Variants in C1QTNF1 observed in about 807,000 individuals in gnomAD.
C1QTNF1 encodes complement C1q tumor necrosis factor-related protein 1.
In C1QTNF1, 22 loss-of-function variants were observed where a neutral mutation model predicts 27.8. That is an observed-to-expected ratio of 0.79 (90% CI 0.56 to 1.13). The LOEUF (loss-of-function observed/expected upper bound fraction) is 1.13, where lower values mean the gene tolerates loss of function less well. Among genes scored for constraint, C1QTNF1 ranks in the 50% most tolerant of loss-of-function variants. C1QTNF1 has a pLI of 0.00. For synonymous variants in C1QTNF1, 166 were observed against 154.3 expected (o/e 1.08, Z -0.56); for missense variants, 373 against 380.2 (o/e 0.98, Z 0.16).
chr17:79,042,611 A>G (rs546037581), intron 1 of C1QTNF1, among the ~76,000 whole-genome samples: 147 of 152,328 alleles, frequency 9.7e-4, no homozygotes, highest in African/African-American at 3.4e-3. Context: ...GGACCTGGTC[A>G]TTGAGCCAGC....
chr17:79,033,227 G>A (rs1210062444), intron 1 of C1QTNF1, among the ~76,000 whole-genome samples: 2 of 152,128 alleles, frequency 1.3e-5, no homozygotes, highest in African/African-American at 2.4e-5. Flanking sequence ...TGCTAGTCAC[G>A]TGAGCACTTA....
At chr17:79,034,965 G>A (rs2145903128) in intron 1 of C1QTNF1, among the ~76,000 whole-genome samples, 1 of 152,240 alleles carries the variant, frequency 6.6e-6, no homozygotes. Flanking sequence ...GACCAGTGGG[G>A]GCAGTGCAGT....
chr17:79,048,202 C>A lies in C1QTNF1; in HGVS notation c.*114C>A. ...TCCCTGGCTTTGGCATTCAGTGAGA[C>A]GCCCTGCACACACAGAAAGCCAAAG... On this transcript the variant is annotated 3_prime_UTR_variant, in exon 4 of 4. Coordinates refer to ENST00000579760, the MANE Select transcript of C1QTNF1 (RefSeq NM_030968.5). 9.6e-7 allele frequency: 1 copy of A among 1,037,306 alleles called. No homozygotes were observed. The highest frequency in any genetic ancestry group is 1.4e-6 in the Non-Finnish European group (1 of 740,310). 64.3% of individuals were successfully genotyped at this position (1,037,306 alleles called of 1,614,324 possible).
chr17:79,033,924 G>GTCGTGGGTGA (rs2072199697), intron 1 of C1QTNF1, among the ~76,000 whole-genome samples: 1 of 152,184 alleles, frequency 6.6e-6, no homozygotes, highest in Admixed American at 6.5e-5. Flanking sequence ...TGCCACGAGG[G>GTCGTGGGTGA]TCGTGGGTGA....
In C1QTNF1 at chr17:79,049,542, C is replaced by T. The variant is rs2145942525; in HGVS notation, c.*1454C>T. 6.6e-6 allele frequency: 1 copy of T among 152,522 alleles called. No individual in the cohort carries two copies. Among genetic ancestry groups the T allele is most frequent in the East Asian group, 1.9e-4 (1 of 5,178 alleles). 9.4% of individuals were successfully genotyped at this position (152,522 alleles called of 1,614,324 possible). A position where few individuals can be genotyped will look rare whatever the true frequency, so the allele number is the denominator to read the frequency against. ...GGTCACTCTTGCTACCCGCTGGGCC[C>T]CCAAACCCCCGCTGCCTCTCTTCCT... On this transcript the variant is annotated 3_prime_UTR_variant, in exon 4 of 4. Coordinates refer to ENST00000579760, the MANE Select transcript of C1QTNF1 (RefSeq NM_030968.5). The surrounding 1 kb of genome is among the most constrained non-coding windows in gnomAD (Gnocchi z 4.4).
chr17:79,025,319 A>G (rs1032413104), intron 1 of C1QTNF1, among the ~76,000 whole-genome samples: 1 of 152,130 alleles, frequency 6.6e-6, no homozygotes, highest in Non-Finnish European at 1.5e-5. Flanking sequence ...CCAGAAAGCC[A>G]GATTATCTTC....
At chr17:79,036,084 C>CTAGA (rs2072258242) in intron 1 of C1QTNF1, among the ~76,000 whole-genome samples, 1 of 152,236 alleles carries the variant, frequency 6.6e-6, no homozygotes, top group African/African-American at 2.4e-5. Context: ...TCATTTTAAT[C>CTAGA]TAGAACAGAG....
chr17:79,047,493 A>G (rs1385473999), intron 3 of C1QTNF1, 45 bp from the exon 4 acceptor site: 2 of 1,502,404 alleles, frequency 1.3e-6, no homozygotes, highest in East Asian at 2.3e-5. Flanking sequence ...TCAGGACACT[A>G]CCGGATTGCT....
chr17:79,047,646 G>C lies in C1QTNF1; in HGVS notation c.404G>C (p.Gly135Ala). ...TGPKGQKGSM[G>A]APGERCKSHY... is the part of the protein sequence containing the mutation. ...CCCAAAGGGCAGAAGGGCTCCATGG[G>C]GGCCCCTGGGGAGCGGTGCAAGAGC... Residue 135 changes from glycine to alanine, a missense_variant, in exon 4 of 4, where the codon GGG becomes GCG. By Grantham distance (60) the Gly-to-Ala change is moderately conservative. Transcript: ENST00000579760. The C allele has an allele frequency of 2.5e-6, 4 of 1,607,502 alleles. No individual in the cohort carries two copies. Among genetic ancestry groups the C allele is most frequent in the Non-Finnish European group, 3.4e-6 (4 of 1,175,446 alleles).
chr17:79,023,434 C>A (rs907995873), upstream of C1QTNF1, among the ~76,000 whole-genome samples: 1 of 152,146 alleles, frequency 6.6e-6, no homozygotes. Flanking sequence ...GATCAGGGAT[C>A]AGGATGGGAG....
rs1340936864 is a variant in C1QTNF1 at position 79,046,760 on chromosome 17, T to A, written c.295+66T>A. 4 of 1,597,262 alleles carry A rather than the reference T, an allele frequency of 2.5e-6. No homozygotes were observed. The Admixed American group carries it at 5.1e-5, about 20-fold the overall frequency. ...CTCTGTGCTGATCCGGAGGAAGGGA[T>A]GGAGTCGTTAGGGTGGGGCTAGGCG... On this transcript the variant is annotated intron_variant, in intron 3 of 3. Transcript: ENST00000579760. This position sits in a 1 kb window ranked among gnomAD's most constrained non-coding sequence, Gnocchi z 4.8.
At position 79,046,790 on chromosome 17, in the gene C1QTNF1, C is replaced by T. The variant is rs777040057; in HGVS notation, c.295+96C>T. The stretch of plus-strand genomic sequence containing the variant: ...TCGTTAGGGTGGGGCTAGGCGAGAG[C>T]AGAATGGCTCCCTCGGGACAGGGAG... On this transcript the variant is annotated intron_variant, in intron 3 of 3. Coordinates refer to ENST00000579760, the MANE Select transcript of C1QTNF1 (RefSeq NM_030968.5). This position sits in a 1 kb window ranked among gnomAD's most constrained non-coding sequence, Gnocchi z 4.8. The T allele has an allele frequency of 1.2e-4, 174 of 1,485,284 alleles. No individual in the cohort carries two copies. The highest frequency in any genetic ancestry group is 1.6e-4 in the Non-Finnish European group (171 of 1,087,370). The allele number at this position is 1,485,284 out of a possible 1,614,324, so 92.0% of individuals were successfully genotyped here.
chr17:79,038,271 T>C (rs1176595479), intron 1 of C1QTNF1, among the ~76,000 whole-genome samples: 1 of 152,226 alleles, frequency 6.6e-6, no homozygotes, highest in Non-Finnish European at 1.5e-5. Flanking sequence ...ATTACAGGCG[T>C]GAGCCACCGC....
In C1QTNF1 at chr17:79,046,898, G is replaced by A; in HGVS notation, c.295+204G>A. On this transcript the variant is annotated intron_variant, in intron 3 of 3. Transcript: ENST00000579760. The surrounding 1 kb of genome is among the most constrained non-coding windows in gnomAD (Gnocchi z 4.8). ...CTCTGGCCCCTCTCCAAGAGGAGGG[G>A]TTGGAAAGGGGCCCACAGGACCAAG... 1 of 670,616 alleles carries A rather than the reference G, an allele frequency of 1.5e-6. No individual in the cohort carries two copies. The allele number at this position is 670,616 out of a possible 1,614,324, so 41.5% of individuals were successfully genotyped here.
At chr17:79,028,114 G>A (rs1035701335) in intron 1 of C1QTNF1, among the ~76,000 whole-genome samples, 5 of 152,236 alleles carry the variant, frequency 3.3e-5, no homozygotes, top group Admixed American at 3.3e-4. Flanking sequence ...ACGAGACAGA[G>A]TAGAGCAGGA....
chr17:79,037,620 C>T (rs1264387409), intron 1 of C1QTNF1, among the ~76,000 whole-genome samples: 4 of 152,158 alleles, frequency 2.6e-5, no homozygotes, highest in African/African-American at 4.8e-5. Context: ...TGACTACTCT[C>T]TCCTTAAAGG....
chr17:79,030,308 T>A (rs1171190897), intron 1 of C1QTNF1, among the ~76,000 whole-genome samples: 1 of 148,044 alleles, frequency 6.8e-6, no homozygotes, highest in South Asian at 2.1e-4. Context: ...GGCCTTTGGG[T>A]CTTTGTGGTT....
At chr17:79,043,322 G>A (rs2072470684) in intron 1 of C1QTNF1, 1 of 453,896 alleles carries the variant, frequency 2.2e-6, no homozygotes. Context: ...AGTTGTGCAT[G>A]TGTGTTGAGT....
At chr17:79,025,365 C>G (rs117716478) in intron 1 of C1QTNF1, among the ~76,000 whole-genome samples, 11,369 of 152,184 alleles carry the variant, frequency 0.075, 518 homozygotes, top group Middle Eastern at 0.14. Flanking sequence ...ACCCTTGGGC[C>G]GACTCATCCC....
Sources: allele counts gnomAD v4.1 joint callset (sites outside exome capture counted in the v4.1 genomes callset), GRCh38; gene constraint gnomAD v4.1.1; non-coding constraint Gnocchi (gnomAD v3.1); transcripts MANE v1.5; gene names NCBI Gene and HGNC (gene_info 2026-07-23, HGNC 2026-07-21).